Variants in ATP8A2 observed in about 807,000 individuals in gnomAD.
ATP8A2 encodes the protein ATPase phospholipid transporting 8A2, also known as phospholipid-transporting ATPase IB.
In ATP8A2, 100 loss-of-function variants were observed where a neutral mutation model predicts 165.6. The observed-to-expected ratio is 0.60, with a 90% confidence interval of 0.51 to 0.71. The LOEUF is 0.71. Ranked by LOEUF, ATP8A2 falls within the 30% of genes least tolerant of loss-of-function variation. The pLI, the probability that ATP8A2 is intolerant of heterozygous loss-of-function variation, is 0.00. For synonymous variants in ATP8A2, 543 were observed against 548.8 expected (o/e 0.99, Z 0.15); for missense variants, 1,227 against 1,479.5 (o/e 0.83, Z 2.80).
At chr13:25,636,590 A>T (rs941972164) in intron 24 of ATP8A2, among the ~76,000 whole-genome samples, 2 of 152,178 alleles carry the variant, frequency 1.3e-5, no homozygotes, top group South Asian at 2.1e-4. Context: ...AACAGATATG[A>T]CAATCCATGA....
chr13:25,583,802 A>T lies in ATP8A2; in HGVS notation c.2146+1845A>T, dbSNP rs115329400. Among the ~76,000 whole-genome samples, 746 of 151,960 alleles carry T rather than the reference A, an allele frequency of 4.9e-3. 8 individuals are homozygous for T. The highest frequency in any genetic ancestry group is 0.017 in the African/African-American group (709 of 41,498). On this transcript the variant is annotated intron_variant, in intron 23 of 36. Transcript: ENST00000381655. ...TTGATACCTGTCCAAACAATTTTTT[A>T]AAAATAACGATTGTATTATTTTGTA... is the stretch of plus-strand genomic sequence containing the variant.
At chr13:25,966,487 A>T (rs1253517571) in intron 34 of ATP8A2, among the ~76,000 whole-genome samples, 1 of 152,172 alleles carries the variant, frequency 6.6e-6, no homozygotes, top group African/African-American at 2.4e-5. Context: ...CAGGGTTTTA[A>T]ATTGCCAGCC....
chr13:25,622,939 G>T (rs150021983), intron 24 of ATP8A2, among the ~76,000 whole-genome samples: 1 of 152,284 alleles, frequency 6.6e-6, no homozygotes, highest in East Asian at 1.9e-4. Flanking sequence ...GCAAAGTTCT[G>T]ATCATTTTAG....
At chr13:25,475,725 G>T (rs1021066429) in intron 2 of ATP8A2, among the ~76,000 whole-genome samples, 6 of 152,292 alleles carry the variant, frequency 3.9e-5, no homozygotes, top group Admixed American at 3.3e-4. Context: ...GTGTGAGATG[G>T]TACTCATTGT....
At chr13:25,379,311 G>A (rs1182152112) in intron 1 of ATP8A2, among the ~76,000 whole-genome samples, 1 of 152,224 alleles carries the variant, frequency 6.6e-6, no homozygotes, top group African/African-American at 2.4e-5. Context: ...TATGGAGACT[G>A]ATTATATAGG....
At chr13:25,572,176 C>A (rs1409708831) in intron 18 of ATP8A2, among the ~76,000 whole-genome samples, 1 of 152,114 alleles carries the variant, frequency 6.6e-6, no homozygotes, top group Admixed American at 6.5e-5. Flanking sequence ...ACTCTGTTGT[C>A]CAGGCTAGAG....
In ATP8A2 at chr13:26,024,607, C is replaced by T. The variant is rs1283819054; in HGVS notation, c.*4622C>T. 6.6e-6 allele frequency: 1 copy of T among 152,222 alleles called. No homozygotes were observed. Among genetic ancestry groups the T allele is most frequent in the Non-Finnish European group, 1.5e-5 (1 of 68,046 alleles). 9.4% of individuals were successfully genotyped at this position (152,222 alleles called of 1,614,324 possible). A position where few individuals can be genotyped will look rare whatever the true frequency, so the allele number is the denominator to read the frequency against. On this transcript the variant is annotated 3_prime_UTR_variant, in exon 37 of 37. Coordinates refer to ENST00000381655, the MANE Select transcript of ATP8A2 (RefSeq NM_016529.6). Reference sequence around the variant, plus strand: ...ATCCAGTGTTAACCTCTGAGGAACACCTCGGCTCTCCCAACTGAGGAGAGA... The same window carrying T: ...ATCCAGTGTTAACCTCTGAGGAACATCTCGGCTCTCCCAACTGAGGAGAGA...
intron 25 of ATP8A2, among the ~76,000 whole-genome samples, chr13:25,763,309 C>A (rs2044422479): frequency 6.6e-6 from 1 of 152,294 alleles, no homozygotes; most frequent in Middle Eastern, 3.4e-3. Context: ...TCAAACACTG[C>A]ATTCTTTGAA....
chr13:25,454,258 C>G (rs2035304364), intron 1 of ATP8A2, among the ~76,000 whole-genome samples: 1 of 152,122 alleles, frequency 6.6e-6, no homozygotes, highest in African/African-American at 2.4e-5. Flanking sequence ...TGTCATCAAC[C>G]CACCATCTAG....
chr13:25,652,212 C>A (rs1371156259), intron 24 of ATP8A2, among the ~76,000 whole-genome samples: 2 of 152,142 alleles, frequency 1.3e-5, no homozygotes, highest in Non-Finnish European at 2.9e-5. Flanking sequence ...ATAGACAGTT[C>A]TTGATGCACA....
chr13:25,979,363 G>A (rs1436327688), intron 35 of ATP8A2, among the ~76,000 whole-genome samples: 3 of 152,158 alleles, frequency 2.0e-5, no homozygotes, highest in Non-Finnish European at 4.4e-5. Context: ...ATCTCATGCT[G>A]GTGTATCTAA....
chr13:25,604,362 A>G (rs2040464062), intron 24 of ATP8A2, among the ~76,000 whole-genome samples: 1 of 152,128 alleles, frequency 6.6e-6, no homozygotes, highest in Non-Finnish European at 1.5e-5. Context: ...ATGGAGATGA[A>G]TGCTTGATTG....
intron 1 of ATP8A2, among the ~76,000 whole-genome samples, chr13:25,425,463 T>C (rs2034419964): frequency 2.0e-5 from 1 of 50,712 alleles, no homozygotes; most frequent in Non-Finnish European, 5.0e-5. Flanking sequence ...CTTTCTTTCC[T>C]TTTTTTTTTT....
At chr13:25,689,235 T>A (rs1259480167) in intron 24 of ATP8A2, among the ~76,000 whole-genome samples, 2 of 152,256 alleles carry the variant, frequency 1.3e-5, no homozygotes, top group Non-Finnish European at 2.9e-5. Context: ...TGGTTTTGTC[T>A]TAAAGCAGAT....
At chr13:26,013,274 GC>G (rs1158977581) in intron 36 of ATP8A2, among the ~76,000 whole-genome samples, 1 of 152,062 alleles carries the variant, frequency 6.6e-6, no homozygotes, top group Non-Finnish European at 1.5e-5. Flanking sequence ...GCCTTCCCCA[GC>G]CCCCTCTCCA....
intron 30 of ATP8A2, among the ~76,000 whole-genome samples, chr13:25,857,624 A>C (rs1952211195): frequency 8.0e-6 from 1 of 125,590 alleles, no homozygotes; most frequent in African/African-American, 3.2e-5. Context: ...CCCAGGCTGG[A>C]GTGCAGTGGC....
At chr13:25,833,528 A>C (rs2138629593) in intron 28 of ATP8A2, among the ~76,000 whole-genome samples, 1 of 152,164 alleles carries the variant, frequency 6.6e-6, no homozygotes, top group East Asian at 1.9e-4. Context: ...CTAGAACTAC[A>C]TTCCCATTCT....
chr13:25,386,914 G>A (rs941427425), intron 1 of ATP8A2, among the ~76,000 whole-genome samples: 3 of 148,482 alleles, frequency 2.0e-5, no homozygotes, highest in Non-Finnish European at 4.5e-5. Flanking sequence ...GGAGAATGGC[G>A]GGAACCCGGG....
At chr13:25,847,615 A>C (rs536807126) in intron 30 of ATP8A2, among the ~76,000 whole-genome samples, 89 of 152,300 alleles carry the variant, frequency 5.8e-4, no homozygotes, top group African/African-American at 2.0e-3. Context: ...TAGCCAGGGA[A>C]TCTCAGGGGC....
Sources: allele counts gnomAD v4.1 joint callset (sites outside exome capture counted in the v4.1 genomes callset), GRCh38; gene constraint gnomAD v4.1.1; transcripts MANE v1.5; gene names NCBI Gene and HGNC (gene_info 2026-07-23, HGNC 2026-07-21).